ANK2: variants seen among roughly 807,000 people sequenced by gnomAD.
ANK2 encodes the protein ankyrin 2, also known as ankyrin-2.
In ANK2, 83 loss-of-function variants were observed where a neutral mutation model predicts 360.5. The ratio of observed to expected loss-of-function variants is 0.23; its 90% CI spans 0.19 to 0.28. The LOEUF is 0.28. Among genes scored for constraint, ANK2 ranks in the 10% least tolerant of loss-of-function variants. ANK2 has a pLI of 1.00. For synonymous variants in ANK2, 1,740 were observed against 1,759.5 expected, an observed-to-expected ratio of 0.99 and a Z score of 0.28; for missense variants, 4,201 against 4,795.7, an observed-to-expected ratio of 0.88 and a Z score of 3.66.
intron 43 of ANK2, 104 bp from the exon 44 acceptor site, chr4:113,372,986 A>T (rs2096793155): frequency 9.8e-7 from 1 of 1,025,224 alleles, no homozygotes; most frequent in East Asian, 2.4e-5. Flanking sequence ...GCTTCTCAAC[A>T]TCGCCTTTGA....
At chr4:113,105,529 T>C (rs2093502023) in intron 1 of ANK2, among the ~76,000 whole-genome samples, 1 of 152,174 alleles carries the variant, frequency 6.6e-6, no homozygotes, top group African/African-American at 2.4e-5. Context: ...TAACCAAAAA[T>C]TGATCCAAGA....
the ANK2 span, among the ~76,000 whole-genome samples, chr4:112,791,598 C>T: frequency 6.7e-6 from 1 of 150,086 alleles, no homozygotes; most frequent in Admixed American, 6.7e-5. Flanking sequence ...ACACCATTCT[C>T]CTGCTTCAGC....
chr4:113,214,119 C>A (rs200549022), intron 4 of ANK2: 9,329 of 756,682 alleles, frequency 0.012, 511 homozygotes, highest in Non-Finnish European at 0.016. Flanking sequence ...TCGGTCCTTG[C>A]GGGCTTCACG....
chr4:112,977,277 C>A (rs1486445265), intron 2 of ANK2, among the ~76,000 whole-genome samples: 1 of 151,924 alleles, frequency 6.6e-6, no homozygotes, highest in African/African-American at 2.4e-5. Context: ...TATGAATTAC[C>A]TTTCTTCTTT....
the ANK2 span, among the ~76,000 whole-genome samples, chr4:112,801,150 T>C: frequency 2.0e-5 from 3 of 152,192 alleles, no homozygotes; most frequent in African/African-American, 7.2e-5. Flanking sequence ...TGAATCATAG[T>C]CTGATTTCCT....
At chr4:112,891,896 A>G (rs1399534648) in intron 1 of ANK2, among the ~76,000 whole-genome samples, 1 of 152,222 alleles carries the variant, frequency 6.6e-6, no homozygotes, top group Non-Finnish European at 1.5e-5. Flanking sequence ...TAGTTTTCTG[A>G]AAGCGTTACC....
At chr4:113,142,807 C>G (rs546947190) in intron 1 of ANK2, among the ~76,000 whole-genome samples, 4 of 152,088 alleles carry the variant, frequency 2.6e-5, no homozygotes, top group African/African-American at 4.8e-5. Flanking sequence ...CAGCATGTTA[C>G]TTGGTTGGTT....
chr4:113,019,487 G>T, intron 2 of ANK2, among the ~76,000 whole-genome samples: 1 of 152,032 alleles, frequency 6.6e-6, no homozygotes, highest in East Asian at 1.9e-4. Flanking sequence ...AATTGTATTT[G>T]TTTTTGACTA....
intron 1 of ANK2, among the ~76,000 whole-genome samples, chr4:112,854,333 A>G (rs905123045): frequency 1.3e-4 from 20 of 152,244 alleles, no homozygotes; most frequent in Non-Finnish European, 2.6e-4. Context: ...TGACGAAACA[A>G]TCTGGCATGT....
At chr4:113,172,596 G>C (rs960331003) in intron 1 of ANK2, among the ~76,000 whole-genome samples, 1 of 152,094 alleles carries the variant, frequency 6.6e-6, no homozygotes, top group East Asian at 1.9e-4. Context: ...TAAACCCTCA[G>C]TAAATGTTAC....
intron 4 of ANK2, among the ~76,000 whole-genome samples, chr4:113,214,589 A>G (rs182339456): frequency 1.7e-4 from 26 of 152,284 alleles, no homozygotes; most frequent in African/African-American, 6.0e-4. Flanking sequence ...GTATTTGACT[A>G]ATATTTTCTT....
At chr4:112,764,656 T>A in the ANK2 span, among the ~76,000 whole-genome samples, 1 of 151,510 alleles carries the variant, frequency 6.6e-6, no homozygotes, top group African/African-American at 2.4e-5. Flanking sequence ...TTCTTTGTAT[T>A]ATTTATTGCC....
At chr4:112,941,884 T>C (rs1430478382) in intron 2 of ANK2, among the ~76,000 whole-genome samples, 1 of 150,724 alleles carries the variant, frequency 6.6e-6, no homozygotes, top group East Asian at 1.9e-4. Flanking sequence ...TGCCTCAGTT[T>C]CTTCATTTAA....
intron 2 of ANK2, among the ~76,000 whole-genome samples, chr4:112,917,270 A>C (rs2090147504): frequency 6.6e-6 from 1 of 152,226 alleles, no homozygotes; most frequent in African/African-American, 2.4e-5. Flanking sequence ...TCTAAAATGC[A>C]TTCCTTTTCA....
the ANK2 span, among the ~76,000 whole-genome samples, chr4:112,790,558 G>A: frequency 6.7e-6 from 1 of 149,006 alleles, no homozygotes; most frequent in South Asian, 2.1e-4. Flanking sequence ...TGTGATCATG[G>A]CTCACTGCAA....
intron 2 of ANK2, among the ~76,000 whole-genome samples, chr4:112,957,956 G>C (rs941758369): frequency 2.0e-5 from 3 of 151,868 alleles, no homozygotes; most frequent in African/African-American, 7.3e-5. Flanking sequence ...CATCCCAGAC[G>C]GGGCGGCGGG....
chr4:112,762,234 T>A, the ANK2 span, among the ~76,000 whole-genome samples: 1 of 152,360 alleles, frequency 6.6e-6, no homozygotes, highest in Non-Finnish European at 1.5e-5. Context: ...AATGTTTTCT[T>A]AATATTGGAT....
At chr4:113,046,066 G>A (rs1225353271), upstream of ANK2, among the ~76,000 whole-genome samples, 3 of 152,240 alleles carry the variant, frequency 2.0e-5, no homozygotes, top group East Asian at 5.8e-4. Context: ...ATGTACATTA[G>A]GATAGGAAGT....
chr4:113,199,154 A>G (rs750627098), intron 4 of ANK2, 45 bp downstream of exon 4: 1 of 1,457,938 alleles, frequency 6.9e-7, no homozygotes, highest in Admixed American at 1.7e-5. Context: ...TTTAAATTAG[A>G]ACAGTTTTGT....
Sources: gnomAD v4.1 joint callset for allele counts (sites outside exome capture counted in the v4.1 genomes callset) on GRCh38, gnomAD v4.1.1 for gene constraint, MANE v1.5 for transcripts, NCBI Gene and HGNC (gene_info 2026-07-23, HGNC 2026-07-21) for gene names.